Variants in AP1G1 observed in about 807,000 individuals in gnomAD.
AP1G1 encodes the protein AP-1 complex subunit gamma-1.
A neutral mutation model predicts 108.3 loss-of-function variants in AP1G1; 7 were observed. That is an observed-to-expected ratio of 0.06 (90% CI 0.04 to 0.12). The LOEUF is 0.12. Among genes scored for constraint, AP1G1 ranks in the 10% least tolerant of loss-of-function variants. The probability of loss-of-function intolerance (pLI) is 1.00; values close to 1 mark genes in which losing one functional copy is unlikely to be tolerated. For missense variants in AP1G1, 756 were observed against 1,010.7 expected (o/e 0.75, Z 3.42); for synonymous variants, 379 against 353.5 (o/e 1.07, Z -0.81).
At chr16:71,768,966 AAAAAAAAAATAC>A (rs2031451884) in intron 6 of AP1G1, among the ~76,000 whole-genome samples, 1 of 4,408 alleles carries the variant, frequency 2.3e-4, no homozygotes, top group East Asian at 0.083. Flanking sequence ...TCCTGCCTTT[AAAAAAAAAATAC>A]AAAAAAAAAA....
At chr16:71,758,714 A>G in intron 11 of AP1G1, 94 bp downstream of exon 11, 1 of 716,604 alleles carries the variant, frequency 1.4e-6, no homozygotes, top group Non-Finnish European at 2.4e-6. Flanking sequence ...TGCTCTGAAA[A>G]CAAAGTATCA....
At chr16:71,768,192 TAA>T (rs10610445) in intron 6 of AP1G1, among the ~76,000 whole-genome samples, 14,083 of 99,906 alleles carry the variant, frequency 0.14, 1,104 homozygotes, top group African/African-American at 0.26. Flanking sequence ...AATACTAGTT[TAA>T]AAAAAAAAAA....
chr16:71,739,229 C>A lies in AP1G1; in HGVS notation c.2107+5G>T. On this transcript the variant is annotated splice_donor_5th_base_variant and intron_variant, in intron 20 of 22. Coordinates refer to ENST00000299980, the MANE Select transcript of AP1G1 (RefSeq NM_001128.6). ...ATGTAATGATGGTAACAACAGTCATCGTACCTGCAGCAATATCATTGAAGA... is the reference window on the plus strand; with the variant it reads ...ATGTAATGATGGTAACAACAGTCATAGTACCTGCAGCAATATCATTGAAGA... 6.2e-7 allele frequency: 1 copy of A among 1,611,970 alleles called. No homozygotes were observed. The highest frequency in any genetic ancestry group is 8.5e-7 in the Non-Finnish European group (1 of 1,178,540).
intron 17 of AP1G1, among the ~76,000 whole-genome samples, chr16:71,745,887 A>G (rs2030147805): frequency 6.6e-6 from 1 of 152,246 alleles, no homozygotes; most frequent in Non-Finnish European, 1.5e-5. Context: ...AAAGAAAGGT[A>G]AATCCATAGG....
At chr16:71,761,418 T>C (rs892618382) in intron 10 of AP1G1, 94 bp downstream of exon 10, 2 of 888,360 alleles carry the variant, frequency 2.3e-6, no homozygotes, top group African/African-American at 3.4e-5. Context: ...GTTCTAAATA[T>C]GTGACTTAAT....
intron 2 of AP1G1, among the ~76,000 whole-genome samples, chr16:71,786,553 C>T (rs934535804): frequency 6.6e-6 from 1 of 152,086 alleles, no homozygotes; most frequent in Non-Finnish European, 1.5e-5. Context: ...CTGTACCTCC[C>T]GGATTCAAAC....
At chr16:71,799,428 A>G (rs1369065608) in intron 1 of AP1G1, among the ~76,000 whole-genome samples, 2 of 152,180 alleles carry the variant, frequency 1.3e-5, no homozygotes, top group Non-Finnish European at 2.9e-5. Flanking sequence ...TGGTACATCC[A>G]CGCTATAAGA....
chr16:71,806,592 AC>A (rs1300726120), intron 1 of AP1G1: 1 of 757,076 alleles, frequency 1.3e-6, no homozygotes, highest in East Asian at 7.4e-5. Flanking sequence ...CACTGAGTTA[AC>A]TAACATCTAT....
At chr16:71,801,447 T>A (rs976394410) in intron 1 of AP1G1, among the ~76,000 whole-genome samples, 1 of 152,112 alleles carries the variant, frequency 6.6e-6, no homozygotes, top group Non-Finnish European at 1.5e-5. Flanking sequence ...TAACTAAGCA[T>A]TGAGAGAAAT....
At position 71,773,501 on chromosome 16, in the gene AP1G1, T is replaced by C. The variant is rs187354440; in HGVS notation, c.327-139A>G. 2,562 of 864,928 alleles carry C rather than the reference T, an allele frequency of 3.0e-3. 9 individuals carry two copies. The highest frequency in any genetic ancestry group is 3.1e-3 in the Non-Finnish European group (1,901 of 612,168). The allele number at this position is 864,928 out of a possible 1,614,324, so 53.6% of individuals were successfully genotyped here. ...GATTATTTGTTGCAGAAAATGTTTA[T>C]CCCAACTTTATTACAAATTATCAAT... is the stretch of plus-strand genomic sequence containing the variant. On this transcript the variant is annotated intron_variant, in intron 3 of 22. Transcript: ENST00000299980.
chr16:71,763,962 G>C (rs1046161388), intron 9 of AP1G1, among the ~76,000 whole-genome samples: 27 of 151,998 alleles, frequency 1.8e-4, no homozygotes, highest in African/African-American at 6.3e-4. Context: ...AAAACTGATA[G>C]GTAAAAGTCT....
intron 21 of AP1G1, 126 bp downstream of exon 21, chr16:71,738,816 T>G: frequency 1.2e-6 from 1 of 841,594 alleles, no homozygotes; most frequent in Admixed American, 2.7e-5. Context: ...TACATTATTG[T>G]TAGTTTGAAT....
rs766093668 is a variant in AP1G1 at position 71,748,415 on chromosome 16, G to A, written c.1498-37C>T. On this transcript the variant is annotated intron_variant, in intron 15 of 22. Coordinates refer to ENST00000299980, the MANE Select transcript of AP1G1 (RefSeq NM_001128.6). ...GAGGAAAAAGAAGACGATGAAGAATGAGTAGCATGATTAAGCATCTAAATC... is the reference window on the plus strand; with the variant it reads ...GAGGAAAAAGAAGACGATGAAGAATAAGTAGCATGATTAAGCATCTAAATC... 2.5e-6 allele frequency: 4 copies of A among 1,599,818 alleles called. No individual in the cohort carries two copies. In the Admixed American group the frequency reaches 7.1e-5, roughly 28 times the overall value.
intron 12 of AP1G1, 115 bp from the exon 13 acceptor site, chr16:71,754,002 G>T: frequency 2.1e-6 from 2 of 930,980 alleles, no homozygotes; most frequent in Non-Finnish European, 3.4e-6. Context: ...CATCTTGGGA[G>T]GCCGAGGTGG....
chr16:71,784,561 T>G (rs370184373), intron 2 of AP1G1, among the ~76,000 whole-genome samples: 2 of 152,256 alleles, frequency 1.3e-5, no homozygotes, highest in East Asian at 1.9e-4. Context: ...AAGATATTTT[T>G]TTGTTGTTGT....
chr16:71,796,277 T>C (rs1331098220), intron 1 of AP1G1, among the ~76,000 whole-genome samples: 1 of 152,142 alleles, frequency 6.6e-6, no homozygotes, highest in Admixed American at 6.6e-5. Context: ...TGGGGATAAG[T>C]ATTCTGGTCT....
intron 1 of AP1G1, among the ~76,000 whole-genome samples, chr16:71,792,536 G>C (rs1597084979): frequency 6.6e-6 from 1 of 152,120 alleles, no homozygotes. Context: ...CCAAGCATTG[G>C]AAGTAACAGG....
At chr16:71,759,310 T>C (rs919348463) in intron 10 of AP1G1, among the ~76,000 whole-genome samples, 2 of 151,874 alleles carry the variant, frequency 1.3e-5, no homozygotes, top group Non-Finnish European at 1.5e-5. Context: ...ATATAAAAAG[T>C]AGCTGGGCAC....
chr16:71,731,600 T>C lies in AP1G1; in HGVS notation c.*1458A>G, dbSNP rs2045475497. ...TTGAACATACATAGTACATTCAATG[T>C]GTACCACAGAGAGAGTCACCTCTAC... On this transcript the variant is annotated 3_prime_UTR_variant, in exon 23 of 23. Coordinates refer to ENST00000299980, the MANE Select transcript of AP1G1 (RefSeq NM_001128.6). The C allele has an allele frequency of 6.6e-6, 1 of 152,566 alleles. No individual in the cohort carries two copies. Among genetic ancestry groups the C allele is most frequent in the South Asian group, 2.1e-4 (1 of 4,830 alleles). 9.5% of individuals were successfully genotyped at this position (152,566 alleles called of 1,614,324 possible). A position where few individuals can be genotyped will look rare whatever the true frequency, so the allele number is the denominator to read the frequency against.
Sources: allele counts gnomAD v4.1 joint callset (sites outside exome capture counted in the v4.1 genomes callset), GRCh38; gene constraint gnomAD v4.1.1; transcripts MANE v1.5; gene names NCBI Gene and HGNC (gene_info 2026-07-23, HGNC 2026-07-21).